Variants in CRADD observed in about 807,000 individuals in gnomAD.
CRADD encodes the protein CARD and death domain containing adaptor protein, also known as death domain-containing protein CRADD.
CRADD carries 9 observed loss-of-function variants against 15.5 expected under a neutral mutation model. The observed-to-expected ratio is 0.58, with a 90% CI of 0.35 to 1.01. CRADD has a LOEUF of 1.01. CRADD is among the 50% of genes least tolerant of loss of function. The pLI is 0.02. For missense variants in CRADD, 227 were observed against 250.3 expected, an observed-to-expected ratio of 0.91 and a Z score of 0.63; for synonymous variants, 118 against 107.6, an observed-to-expected ratio of 1.10 and a Z score of -0.60.
chr12:93,692,686 G>A (rs1955603184), intron 2 of CRADD, among the ~76,000 whole-genome samples: 1 of 152,140 alleles, frequency 6.6e-6, no homozygotes, highest in Admixed American at 6.5e-5. Flanking sequence ...AGCTGAGAAA[G>A]TTTATCACCA....
In CRADD at chr12:93,701,484, C is replaced by T. The variant is rs7314396; in HGVS notation, c.298+22412C>T. Among the ~76,000 whole-genome samples the T allele has an allele frequency of 4.9e-3, 743 of 152,300 alleles. 5 individuals are homozygous for T. The highest frequency in any genetic ancestry group is 7.5e-3 in the Non-Finnish European group (508 of 68,032). On this transcript the variant is annotated intron_variant, in intron 2 of 2. Coordinates refer to ENST00000332896, the MANE Select transcript of CRADD (RefSeq NM_003805.5). ...TGGTCCTAACTGGCTGCTGGAGCCC[C>T]AGGCCATCTTGTCCCTTGTGGGAAT...
chr12:93,695,622 G>A (rs1227446345), intron 2 of CRADD, among the ~76,000 whole-genome samples: 12 of 152,164 alleles, frequency 7.9e-5, no homozygotes, highest in Admixed American at 6.6e-5. Context: ...AAAAATGGGC[G>A]GCCAGCGCAG....
At chr12:93,734,140 GTCCA>G (rs1592943439) in intron 2 of CRADD, among the ~76,000 whole-genome samples, 1 of 151,044 alleles carries the variant, frequency 6.6e-6, no homozygotes, top group East Asian at 1.9e-4. Flanking sequence ...CTGTTCATCA[GTCCA>G]TCCATCTGTC....
chr12:93,845,258 C>T (rs78359713), intron 2 of CRADD, among the ~76,000 whole-genome samples: 308 of 152,280 alleles, frequency 2.0e-3, no homozygotes, highest in Middle Eastern at 6.8e-3. Flanking sequence ...AGAGGTAGAA[C>T]GACACCTGGT....
At chr12:93,762,483 A>T (rs1205344810) in intron 2 of CRADD, among the ~76,000 whole-genome samples, 16 of 152,234 alleles carry the variant, frequency 1.1e-4, no homozygotes, top group Admixed American at 5.2e-4. Context: ...AGGAAAAGCC[A>T]TGAGGTCAGT....
At chr12:93,872,800 G>T (rs1958432309) in intron 2 of CRADD, among the ~76,000 whole-genome samples, 1 of 151,976 alleles carries the variant, frequency 6.6e-6, no homozygotes, top group Non-Finnish European at 1.5e-5. Context: ...TACTGTTTTG[G>T]TTACTATAGC....
intron 2 of CRADD, among the ~76,000 whole-genome samples, chr12:93,865,595 A>T (rs763614349): frequency 1.4e-4 from 22 of 152,068 alleles, no homozygotes; most frequent in African/African-American, 4.3e-4. Flanking sequence ...ATTTTTAAAA[A>T]TTTTTTGTAG....
intron 2 of CRADD, among the ~76,000 whole-genome samples, chr12:93,692,367 A>G (rs1381863913): frequency 6.6e-6 from 1 of 152,248 alleles, no homozygotes; most frequent in Non-Finnish European, 1.5e-5. Flanking sequence ...ATCCAGGTAC[A>G]GGAAGGTCAA....
chr12:93,802,947 T>G (rs1200926673), intron 2 of CRADD, among the ~76,000 whole-genome samples: 1 of 152,218 alleles, frequency 6.6e-6, no homozygotes, highest in Admixed American at 6.5e-5. Context: ...AGGAGAGCTA[T>G]GCCTCTGAAA....
At chr12:93,789,774 T>G (rs1592992497) in intron 2 of CRADD, among the ~76,000 whole-genome samples, 1 of 152,228 alleles carries the variant, frequency 6.6e-6, no homozygotes, top group Non-Finnish European at 1.5e-5. Flanking sequence ...AATAAAGTAG[T>G]TAAAAATGGT....
intron 2 of CRADD, among the ~76,000 whole-genome samples, chr12:93,782,498 AAAAC>A (rs1333487724): frequency 1.2e-4 from 18 of 152,064 alleles, no homozygotes; most frequent in African/African-American, 4.3e-4. Flanking sequence ...ATAATTAAAA[AAAAC>A]AAAAAGACTT....
chr12:93,836,622 C>T (rs1957975655), intron 2 of CRADD, among the ~76,000 whole-genome samples: 1 of 152,194 alleles, frequency 6.6e-6, no homozygotes, highest in Non-Finnish European at 1.5e-5. Flanking sequence ...AATGTAATTT[C>T]TCTGGTTTTA....
intron 2 of CRADD, chr12:93,733,453 C>G (rs1956505836): frequency 6.6e-6 from 1 of 152,296 alleles, no homozygotes. Context: ...GGCAGTGTTT[C>G]ATTTCTCACA....
At chr12:93,823,920 G>A (rs1413226042) in intron 2 of CRADD, among the ~76,000 whole-genome samples, 3 of 152,202 alleles carry the variant, frequency 2.0e-5, no homozygotes, top group Non-Finnish European at 4.4e-5. Flanking sequence ...ATATCAGAGA[G>A]TCTACAGTTG....
rs541021122 is a variant in CRADD at position 93,710,774 on chromosome 12, G to A, written c.298+31702G>A. Among the ~76,000 whole-genome samples the A allele has an allele frequency of 3.8e-4, 58 of 152,268 alleles. 1 individual carries two copies. In the South Asian group the frequency reaches 0.012, roughly 32 times the overall value. ...GGAAGTAAATGCCCCTTCTTGATGGGATAGTTGGGATGCGCAGACAGGGAT... is the reference window on the plus strand; with the variant it reads ...GGAAGTAAATGCCCCTTCTTGATGGAATAGTTGGGATGCGCAGACAGGGAT... On this transcript the variant is annotated intron_variant, in intron 2 of 2. Coordinates refer to ENST00000332896, the MANE Select transcript of CRADD (RefSeq NM_003805.5).
chr12:93,707,189 T>C (rs1322937923), intron 2 of CRADD, among the ~76,000 whole-genome samples: 3 of 152,216 alleles, frequency 2.0e-5, no homozygotes, highest in Non-Finnish European at 4.4e-5. Context: ...TTATAAATGA[T>C]TGGGAGGAAG....
At chr12:93,825,249 C>T (rs1957811189) in intron 2 of CRADD, among the ~76,000 whole-genome samples, 1 of 152,214 alleles carries the variant, frequency 6.6e-6, no homozygotes, top group African/African-American at 2.4e-5. Context: ...TGTCAACATT[C>T]ATCTAACCAG....
At chr12:93,716,828 C>T (rs980971352) in intron 2 of CRADD, among the ~76,000 whole-genome samples, 1 of 152,166 alleles carries the variant, frequency 6.6e-6, no homozygotes, top group Non-Finnish European at 1.5e-5. Flanking sequence ...AATAAAGCTG[C>T]TTATAAACAT....
intron 2 of CRADD, among the ~76,000 whole-genome samples, chr12:93,781,106 C>T (rs1957205544): frequency 2.0e-5 from 3 of 151,924 alleles, no homozygotes; most frequent in Non-Finnish European, 4.4e-5. Flanking sequence ...AGAGCAAAGC[C>T]ATCAAAGAGA....
Sources: allele counts gnomAD v4.1 joint callset (sites outside exome capture counted in the v4.1 genomes callset), GRCh38; gene constraint gnomAD v4.1.1; transcripts MANE v1.5; gene names NCBI Gene and HGNC (gene_info 2026-07-23, HGNC 2026-07-21).